The following PPARGC1A variants were observed in gnomAD, a reference collection of about 807,000 sequenced individuals.
PPARGC1A encodes the protein PPARG coactivator 1 alpha, also known as peroxisome proliferator-activated receptor gamma coactivator 1-alpha.
Under a neutral mutation model 88.7 loss-of-function variants are expected in PPARGC1A, and 25 were observed. The observed-to-expected ratio is 0.28, with a 90% CI of 0.21 to 0.39. PPARGC1A has a LOEUF of 0.39. Among genes scored for constraint, PPARGC1A ranks in the 10% least tolerant of loss-of-function variants. The probability of loss-of-function intolerance (pLI) is 1.00; values close to 1 mark genes in which losing one functional copy is unlikely to be tolerated. For synonymous variants in PPARGC1A, 363 were observed against 355.6 expected, an observed-to-expected ratio of 1.02 and a Z score of -0.24; for missense variants, 880 against 968.7, an observed-to-expected ratio of 0.91 and a Z score of 1.22.
the PPARGC1A span, among the ~76,000 whole-genome samples, chr4:24,127,915 A>C: frequency 1.4e-4 from 21 of 152,196 alleles, no homozygotes; most frequent in Non-Finnish European, 2.9e-4. Context: ...TGAGTCCCAG[A>C]GAATAGAATC....
chr4:23,814,437 G>T lies in PPARGC1A; in HGVS notation c.1046C>A (p.Pro349Gln), dbSNP rs367775864. 8 of 1,613,492 alleles carry T rather than the reference G, an allele frequency of 5.0e-6. No individual in the cohort carries two copies. In the African/African-American group the frequency reaches 5.4e-5, roughly 11 times the overall value. Residue 349 changes from proline to glutamine, a missense_variant, in exon 8 of 13, where the codon CCG becomes CAG. Transcript: ENST00000264867. ...TQGNNSTKKG[P>Q]EQSELYAQLS... ...TTGTGCATACAACTCGGATTGCTCC[G>T]GCCCTTTCTTGGTGGAGTTATTGCC...
At chr4:24,061,211 C>A in the PPARGC1A span, among the ~76,000 whole-genome samples, 1 of 152,156 alleles carries the variant, frequency 6.6e-6, no homozygotes, top group Non-Finnish European at 1.5e-5. Context: ...GCAAACGGAT[C>A]CAGTTTTCAC....
the PPARGC1A span, among the ~76,000 whole-genome samples, chr4:24,212,537 A>G: frequency 6.6e-6 from 1 of 152,218 alleles, no homozygotes; most frequent in East Asian, 1.9e-4. Context: ...TATTCTAAGT[A>G]TTTATAACAA....
the PPARGC1A span, among the ~76,000 whole-genome samples, chr4:24,372,069 G>C: frequency 6.6e-5 from 10 of 152,178 alleles, no homozygotes; most frequent in Admixed American, 5.9e-4. Context: ...CTTGCCTCCA[G>C]AGTTTGGGAG....
chr4:23,965,958 G>A, the PPARGC1A span, among the ~76,000 whole-genome samples: 11 of 152,044 alleles, frequency 7.2e-5, no homozygotes, highest in South Asian at 1.7e-3. Flanking sequence ...AAATCCACCC[G>A]ACAATAAAGC....
the PPARGC1A span, among the ~76,000 whole-genome samples, chr4:24,364,405 A>C: frequency 1.3e-5 from 2 of 152,324 alleles, no homozygotes; most frequent in African/African-American, 4.8e-5. Flanking sequence ...AGGTGCAAGC[A>C]CTGAAACCTT....
At chr4:24,358,310 A>G in the PPARGC1A span, among the ~76,000 whole-genome samples, 2 of 152,216 alleles carry the variant, frequency 1.3e-5, no homozygotes, top group African/African-American at 4.8e-5. Context: ...AATCTTTAAA[A>G]TAACCCTCTG....
At chr4:23,949,874 A>G in the PPARGC1A span, among the ~76,000 whole-genome samples, 1 of 152,166 alleles carries the variant, frequency 6.6e-6, no homozygotes, top group African/African-American at 2.4e-5. Flanking sequence ...GCTACCCTAC[A>G]AATCTGCCTT....
chr4:23,949,009 TTA>T, the PPARGC1A span, among the ~76,000 whole-genome samples: 1 of 152,152 alleles, frequency 6.6e-6, no homozygotes, highest in East Asian at 1.9e-4. Flanking sequence ...TTAAACCATG[TTA>T]CTCTCTATTT....
At chr4:24,040,494 TC>T in the PPARGC1A span, among the ~76,000 whole-genome samples, 2 of 152,192 alleles carry the variant, frequency 1.3e-5, no homozygotes, top group South Asian at 2.1e-4. Flanking sequence ...AACATGATTT[TC>T]AGCAAGAGAG....
At chr4:23,880,496 CA>C (rs1715706474) in intron 2 of PPARGC1A, among the ~76,000 whole-genome samples, 1 of 152,182 alleles carries the variant, frequency 6.6e-6, no homozygotes, top group Non-Finnish European at 1.5e-5. Flanking sequence ...CCCTACTCCT[CA>C]AATGCTCATG....
intron 2 of PPARGC1A, among the ~76,000 whole-genome samples, chr4:23,857,373 G>GTACAC (rs148212399): frequency 2.9e-5 from 3 of 104,452 alleles, no homozygotes; most frequent in East Asian, 5.5e-4. Context: ...GTGTGTGTGT[G>GTACAC]ACACACACAC....
At chr4:24,384,723 G>T in the PPARGC1A span, among the ~76,000 whole-genome samples, 4 of 152,034 alleles carry the variant, frequency 2.6e-5, no homozygotes, top group Admixed American at 2.6e-4. Context: ...CCCAATACAG[G>T]AGCACCCAGA....
At chr4:24,250,311 T>C in the PPARGC1A span, among the ~76,000 whole-genome samples, 1 of 152,264 alleles carries the variant, frequency 6.6e-6, no homozygotes, top group African/African-American at 2.4e-5. Flanking sequence ...CAAACTCATC[T>C]TAATGTTAGC....
chr4:24,203,965 G>C, the PPARGC1A span, among the ~76,000 whole-genome samples: 1 of 152,222 alleles, frequency 6.6e-6, no homozygotes, highest in Non-Finnish European at 1.5e-5. Context: ...ACATGTTTAA[G>C]GGATTTGCTT....
the PPARGC1A span, among the ~76,000 whole-genome samples, chr4:24,465,155 C>G: frequency 1.3e-5 from 2 of 152,126 alleles, no homozygotes; most frequent in Non-Finnish European, 1.5e-5. Context: ...TGCGAAAAAC[C>G]GTGCTCTGGC....
At chr4:23,828,765 T>G (rs1352412586) in intron 4 of PPARGC1A, among the ~76,000 whole-genome samples, 161 bp from the exon 5 acceptor site, 1 of 152,146 alleles carries the variant, frequency 6.6e-6, no homozygotes, top group Non-Finnish European at 1.5e-5. Context: ...GGAAAGAAAA[T>G]TACATTTAAA....
chr4:24,156,365 A>T, the PPARGC1A span, among the ~76,000 whole-genome samples: 45 of 145,038 alleles, frequency 3.1e-4, 2 homozygotes, highest in African/African-American at 1.0e-3. Flanking sequence ...CCCACTTGCT[A>T]TTTTTTTTTT....
the PPARGC1A span, among the ~76,000 whole-genome samples, chr4:24,104,291 T>A: frequency 2.0e-5 from 3 of 152,182 alleles, no homozygotes; most frequent in African/African-American, 7.2e-5. Flanking sequence ...TCTTGCAGCT[T>A]CAGTGCTTTG....
Sources: gnomAD v4.1 joint callset for allele counts (sites outside exome capture counted in the v4.1 genomes callset) on GRCh38, gnomAD v4.1.1 for gene constraint, MANE v1.5 for transcripts, NCBI Gene and HGNC (gene_info 2026-07-23, HGNC 2026-07-21) for gene names.